The following AGBL3 variants were observed in gnomAD, a reference collection of about 807,000 sequenced individuals.
AGBL3 encodes the protein AGBL carboxypeptidase 3.
Under a neutral mutation model 94.5 loss-of-function variants are expected in AGBL3, and 68 were observed. The ratio of observed to expected loss-of-function variants is 0.72; its 90% CI spans 0.59 to 0.88. The LOEUF is 0.88. AGBL3 is among the 40% of genes least tolerant of loss of function. AGBL3 has a pLI of 0.00. For missense variants in AGBL3, 934 were observed against 1,103.8 expected, an observed-to-expected ratio of 0.85 and a Z score of 2.18; for synonymous variants, 354 against 370.7, an observed-to-expected ratio of 0.95 and a Z score of 0.52.
chr7:135,005,022 G>T (rs763456035), intron 4 of AGBL3, among the ~76,000 whole-genome samples: 16 of 151,360 alleles, frequency 1.1e-4, no homozygotes, highest in Non-Finnish European at 1.8e-4. Flanking sequence ...AAATTGAAAG[G>T]ATCGTACAGG....
At chr7:135,011,353 A>G (rs1360040448) in intron 4 of AGBL3, 1 of 152,190 alleles carries the variant, frequency 6.6e-6, no homozygotes, top group Non-Finnish European at 1.5e-5. Context: ...CATAATATTA[A>G]AATCTGGAAA....
At chr7:135,060,442 A>G (rs892916827) in intron 12 of AGBL3, among the ~76,000 whole-genome samples, 2 of 152,184 alleles carry the variant, frequency 1.3e-5, no homozygotes, top group African/African-American at 2.4e-5. Context: ...AATTTTCAGT[A>G]TAATACATTG....
intron 1 of AGBL3, 42 bp downstream of exon 1, chr7:134,986,743 C>A (rs1218759463): frequency 6.6e-6 from 1 of 152,366 alleles, no homozygotes; most frequent in Non-Finnish European, 1.5e-5. Flanking sequence ...GGGAAGCGAG[C>A]GCGCCCCGGA....
intron 4 of AGBL3, among the ~76,000 whole-genome samples, chr7:135,000,198 A>C (rs6467565): frequency 0.93 from 141,790 of 152,254 alleles, 66,793 homozygotes; most frequent in Non-Finnish European, 1. Flanking sequence ...TTTCACGGTT[A>C]TATGTCCTTC....
chr7:134,999,803 A>G lies in AGBL3; in HGVS notation c.310+6125A>G, dbSNP rs531402616. On this transcript the variant is annotated intron_variant, in intron 4 of 16. Transcript: ENST00000436302. ...GTTTTTTCATCACTGCAAGGACAGC[A>G]TATAGTTCAGCCTGAGCAGATTGTT... Among the ~76,000 whole-genome samples, 6 of 152,368 alleles carry G rather than the reference A, an allele frequency of 3.9e-5. No homozygotes were observed. In the South Asian group the frequency reaches 1.2e-3, roughly 32 times the overall value.
At chr7:135,083,760 T>C (rs1216317286) in intron 15 of AGBL3, among the ~76,000 whole-genome samples, 1 of 152,232 alleles carries the variant, frequency 6.6e-6, no homozygotes, top group Non-Finnish European at 1.5e-5. Context: ...CACAACACTG[T>C]CATTTTTAAA....
chr7:135,091,654 T>A (rs918061618), intron 15 of AGBL3, among the ~76,000 whole-genome samples: 1 of 152,210 alleles, frequency 6.6e-6, no homozygotes, highest in Admixed American at 6.5e-5. Flanking sequence ...AACCAAGTTC[T>A]CTAACATGAC....
intron 13 of AGBL3, among the ~76,000 whole-genome samples, chr7:135,078,261 T>C (rs1820637303): frequency 6.6e-6 from 1 of 152,112 alleles, no homozygotes; most frequent in Admixed American, 6.5e-5. Flanking sequence ...CAAGTGAATG[T>C]GGATATACCT....
Position 135,039,304 on chromosome 7 carries a change from G to A in AGBL3, c.1500+1724G>A, listed in dbSNP as rs147050014. On this transcript the variant is annotated intron_variant, in intron 8 of 16. Coordinates refer to ENST00000436302, the MANE Select transcript of AGBL3 (RefSeq NM_178563.4). The stretch of plus-strand genomic sequence containing the variant: ...AAACCACATTTCTAAAAAATCCTTA[G>A]GCCCAAGAGGAACTCTTAAGGAACA... Among the ~76,000 whole-genome samples the A allele has an allele frequency of 2.3e-3, 352 of 152,126 alleles. 1 individual carries two copies. The highest frequency in any genetic ancestry group is 7.8e-3 in the African/African-American group (323 of 41,478).
chr7:134,994,496 C>T (rs1280550376), intron 4 of AGBL3, among the ~76,000 whole-genome samples: 1 of 149,348 alleles, frequency 6.7e-6, no homozygotes, highest in Non-Finnish European at 1.5e-5. Context: ...AGAAACATCC[C>T]ATTGTTCATC....
intron 15 of AGBL3, among the ~76,000 whole-genome samples, chr7:135,095,685 A>C (rs1822561099): frequency 6.6e-6 from 1 of 152,252 alleles, no homozygotes. Context: ...AATTGGATAC[A>C]TCATAGATTA....
intron 4 of AGBL3, among the ~76,000 whole-genome samples, chr7:134,996,385 A>G (rs1584763412): frequency 6.6e-6 from 1 of 152,214 alleles, no homozygotes; most frequent in Admixed American, 6.5e-5. Flanking sequence ...CAAACTGGCC[A>G]TGCGGGGGAC....
intron 4 of AGBL3, among the ~76,000 whole-genome samples, chr7:135,000,254 T>C (rs983286099): frequency 6.6e-6 from 1 of 152,234 alleles, no homozygotes; most frequent in Admixed American, 6.5e-5. Flanking sequence ...GGCCACGGGA[T>C]GCCCAGATAG....
Position 135,076,475 on chromosome 7 carries a change from C to T in AGBL3, c.1980+7C>T. ...AAATGCCAGAGGACAAGAGGTAAATCTTCATTAATCTAGTTATTAAGGTTT... is the reference window on the plus strand; with the variant it reads ...AAATGCCAGAGGACAAGAGGTAAATTTTCATTAATCTAGTTATTAAGGTTT... On this transcript the variant is annotated splice_region_variant and intron_variant, in intron 13 of 16. Coordinates refer to ENST00000436302, the MANE Select transcript of AGBL3 (RefSeq NM_178563.4). The T allele has an allele frequency of 6.6e-7, 1 of 1,526,112 alleles. No homozygotes were observed. The highest frequency in any genetic ancestry group is 8.9e-7 in the Non-Finnish European group (1 of 1,125,364). 94.5% of individuals were successfully genotyped at this position (1,526,112 alleles called of 1,614,324 possible). A position where few individuals can be genotyped will look rare whatever the true frequency, so the allele number is the denominator to read the frequency against.
chr7:135,122,370 G>C (rs1827256753), intron 16 of AGBL3, among the ~76,000 whole-genome samples: 1 of 152,202 alleles, frequency 6.6e-6, no homozygotes, highest in African/African-American at 2.4e-5. Context: ...AGAGGCTCAG[G>C]GACAGAACCC....
chr7:135,004,739 T>G (rs958574590), intron 4 of AGBL3, among the ~76,000 whole-genome samples: 16 of 151,486 alleles, frequency 1.1e-4, no homozygotes, highest in Admixed American at 2.6e-4. Context: ...AGATAGGAGA[T>G]TTTTTTCCTT....
intron 4 of AGBL3, among the ~76,000 whole-genome samples, chr7:135,008,462 C>G (rs538714444): frequency 6.6e-6 from 1 of 152,064 alleles, no homozygotes; most frequent in African/African-American, 2.4e-5. Context: ...TGTCCCTTAC[C>G]TCACACCATA....
chr7:135,038,013 C>T (rs1816476213), intron 8 of AGBL3, among the ~76,000 whole-genome samples: 1 of 151,692 alleles, frequency 6.6e-6, no homozygotes, highest in African/African-American at 2.4e-5. Flanking sequence ...AATCCAATAA[C>T]CAATATTTTT....
intron 5 of AGBL3, among the ~76,000 whole-genome samples, chr7:135,021,202 G>A (rs1298451677): frequency 6.6e-6 from 1 of 151,820 alleles, no homozygotes; most frequent in Non-Finnish European, 1.5e-5. Context: ...CCACCATATT[G>A]ATATTGTAGC....
Sources: allele counts gnomAD v4.1 joint callset (sites outside exome capture counted in the v4.1 genomes callset), GRCh38; gene constraint gnomAD v4.1.1; transcripts MANE v1.5; gene names NCBI Gene and HGNC (gene_info 2026-07-23, HGNC 2026-07-21).